Variants in STK33 observed in about 807,000 individuals in gnomAD.
STK33 encodes serine/threonine-protein kinase 33.
In STK33, 52 loss-of-function variants were observed where a neutral mutation model predicts 58.0. That is an observed-to-expected ratio of 0.90 (90% CI 0.72 to 1.13). The LOEUF is 1.13. Among genes scored for constraint, STK33 ranks in the 50% most tolerant of loss-of-function variants. The pLI is 0.00. For missense variants in STK33, 630 were observed against 604.2 expected, an observed-to-expected ratio of 1.04 and a Z score of -0.45; for synonymous variants, 215 against 200.1, an observed-to-expected ratio of 1.07 and a Z score of -0.63.
the STK33 span, among the ~76,000 whole-genome samples, chr11:8,337,129 G>A: frequency 1.3e-5 from 2 of 152,212 alleles, no homozygotes; most frequent in African/African-American, 2.4e-5. Context: ...CTAAGAAGGC[G>A]GCCAATCTCC....
chr11:8,449,620 T>C (rs565654430), intron 11 of STK33, among the ~76,000 whole-genome samples: 2 of 87,398 alleles, frequency 2.3e-5, no homozygotes, highest in African/African-American at 9.5e-5. Context: ...CATCACACAC[T>C]GGGGCCTGTT....
intron 15 of STK33, among the ~76,000 whole-genome samples, chr11:8,396,832 G>C (rs527848586): frequency 6.6e-6 from 1 of 152,324 alleles, no homozygotes; most frequent in Admixed American, 6.5e-5. Flanking sequence ...GCCTGGCTCA[G>C]AGGGTCCTAC....
chr11:8,483,985 G>A (rs1290046415), intron 1 of STK33, among the ~76,000 whole-genome samples: 1 of 152,074 alleles, frequency 6.6e-6, no homozygotes, highest in Non-Finnish European at 1.5e-5. Flanking sequence ...TCTACCATTT[G>A]AGAGTCTAAA....
intron 11 of STK33, among the ~76,000 whole-genome samples, chr11:8,445,126 T>G (rs953224203): frequency 6.6e-6 from 1 of 152,188 alleles, no homozygotes; most frequent in African/African-American, 2.4e-5. Flanking sequence ...CATTCCTAGG[T>G]ATTTTATTCT....
the STK33 span, among the ~76,000 whole-genome samples, chr11:8,365,349 C>T: frequency 6.6e-6 from 1 of 152,198 alleles, no homozygotes; most frequent in African/African-American, 2.4e-5. Flanking sequence ...CCCTCCCTGC[C>T]GGACACCCCA....
intron 14 of STK33, among the ~76,000 whole-genome samples, chr11:8,417,990 C>T (rs978177958): frequency 1.2e-4 from 18 of 152,080 alleles, no homozygotes; most frequent in Admixed American, 6.6e-4. Flanking sequence ...ATCTGTTGTA[C>T]TACTGATGTA....
chr11:8,521,767 C>A (rs191320965), intron 1 of STK33, among the ~76,000 whole-genome samples: 43 of 152,162 alleles, frequency 2.8e-4, no homozygotes, highest in African/African-American at 9.6e-4. Flanking sequence ...AGAACTTAAA[C>A]AAATTTACAA....
At chr11:8,552,966 T>C (rs961735075) in intron 1 of STK33, among the ~76,000 whole-genome samples, 1 of 150,728 alleles carries the variant, frequency 6.6e-6, no homozygotes, top group African/African-American at 2.4e-5. Flanking sequence ...GCCTGGGCCA[T>C]ACAGTGAGAC....
chr11:8,337,522 T>G, the STK33 span, among the ~76,000 whole-genome samples: 4 of 151,890 alleles, frequency 2.6e-5, no homozygotes, highest in African/African-American at 4.8e-5. Context: ...AGCCAGCACT[T>G]TCTGTGGAGG....
At chr11:8,366,474 AC>A in the STK33 span, among the ~76,000 whole-genome samples, 1 of 152,122 alleles carries the variant, frequency 6.6e-6, no homozygotes, top group Non-Finnish European at 1.5e-5. Context: ...GAGAGCACAG[AC>A]GGGGTCGGGG....
At chr11:8,402,589 C>T (rs1564862611) in intron 15 of STK33, among the ~76,000 whole-genome samples, 1 of 151,768 alleles carries the variant, frequency 6.6e-6, no homozygotes, top group Admixed American at 6.6e-5. Flanking sequence ...ATGTTGTGCA[C>T]ATGTACCCTA....
rs747532115 is a variant in STK33, at chr11:8,464,828, G to GAAA, written c.340-9_340-7dup. 1.6e-4 allele frequency: 181 copies of GAAA among 1,143,330 alleles called. No individual in the cohort carries two copies. Among genetic ancestry groups the GAAA allele is most frequent in the South Asian group, 4.3e-4 (29 of 67,528 alleles). 70.8% of individuals were successfully genotyped at this position (1,143,330 alleles called of 1,614,324 possible). ...CTTCCAAAGGTATAGATTTCCTGGA[G>GAAA]AAAAAAAAAAAAAGAGTTGTCTCTC... is the stretch of plus-strand genomic sequence containing the variant. On this transcript the variant is annotated splice_region_variant and splice_polypyrimidine_tract_variant and intron_variant, in intron 6 of 15. Transcript: ENST00000687296.
chr11:8,593,276 A>G (rs2032899164), intron 1 of STK33, among the ~76,000 whole-genome samples: 1 of 152,216 alleles, frequency 6.6e-6, no homozygotes, highest in Non-Finnish European at 1.5e-5. Flanking sequence ...TTCCATTCAC[A>G]GAGCCCTCTT....
the STK33 span, among the ~76,000 whole-genome samples, chr11:8,360,252 G>A: frequency 0.012 from 1,886 of 152,340 alleles, 34 homozygotes; most frequent in African/African-American, 0.042. Context: ...CTCCACTTCA[G>A]GATGCTGGTC....
intron 1 of STK33, among the ~76,000 whole-genome samples, chr11:8,500,974 G>T (rs188923405): frequency 5.3e-5 from 8 of 152,050 alleles, no homozygotes; most frequent in African/African-American, 1.9e-4. Context: ...AATGGTGCTG[G>T]GATAACTGGA....
At chr11:8,450,488 T>C (rs1946137796) in intron 11 of STK33, among the ~76,000 whole-genome samples, 1 of 152,066 alleles carries the variant, frequency 6.6e-6, no homozygotes, top group Non-Finnish European at 1.5e-5. Context: ...CAAACCACCA[T>C]GGCACATGTA....
At chr11:8,443,428 A>T (rs957167780) in intron 11 of STK33, among the ~76,000 whole-genome samples, 1 of 152,214 alleles carries the variant, frequency 6.6e-6, no homozygotes, top group Non-Finnish European at 1.5e-5. Context: ...AGAAAACCAG[A>T]CAGATAAACC....
At chr11:8,438,231 C>T (rs1220783157) in intron 12 of STK33, among the ~76,000 whole-genome samples, 1 of 152,084 alleles carries the variant, frequency 6.6e-6, no homozygotes, top group African/African-American at 2.4e-5. Flanking sequence ...CAGCAGCATA[C>T]AAAATTTTAT....
intron 1 of STK33, among the ~76,000 whole-genome samples, chr11:8,534,568 C>CTGTGTGTGTG (rs34999243): frequency 1.4e-4 from 15 of 104,738 alleles, no homozygotes; most frequent in East Asian, 2.8e-4. Flanking sequence ...CTCTCTCTCT[C>CTGTGTGTGTG]TGTGTGTGTG....
Sources: allele counts gnomAD v4.1 joint callset (sites outside exome capture counted in the v4.1 genomes callset), GRCh38; gene constraint gnomAD v4.1.1; transcripts MANE v1.5; gene names NCBI Gene and HGNC (gene_info 2026-07-23, HGNC 2026-07-21).